Variants in CNGB1 observed in about 807,000 individuals in gnomAD.
CNGB1 encodes the protein cyclic nucleotide-gated channel beta-1.
Under a neutral mutation model 151.7 loss-of-function variants are expected in CNGB1, and 126 were observed. The ratio of observed to expected loss-of-function variants is 0.83; its 90% CI spans 0.72 to 0.96. CNGB1 has a LOEUF of 0.96. CNGB1 is among the 40% of genes least tolerant of loss of function. The pLI, the probability that CNGB1 is intolerant of heterozygous loss-of-function variation, is 0.00. For missense variants in CNGB1, 1,698 were observed against 1,627.0 expected (o/e 1.04, Z -0.75); for synonymous variants, 623 against 635.1 (o/e 0.98, Z 0.29).
Position 57,901,434 on chromosome 16 carries a change from C to A in CNGB1, c.2894G>T (p.Gly965Val). The change falls in exon 29 of 33, where the codon GGC (glycine) becomes GTC (valine). Residue 965 changes from glycine to valine, a missense_variant and splice_region_variant. Transcript: ENST00000251102. ...NIVSKVALFQ[G>V]CDRQMIFDML... ...GTCAAAGATCATCTGCCGGTCACAG[C>A]CCTGTCCCGGTGAGGAAGGGAAAGG... The A allele has an allele frequency of 3.7e-6, 6 of 1,614,212 alleles. No homozygotes were observed. Among genetic ancestry groups the A allele is most frequent in the Non-Finnish European group, 5.1e-6 (6 of 1,180,030 alleles).
chr16:57,923,190 C>G (rs1469198083), intron 18 of CNGB1, 83 bp downstream of exon 18: 6 of 1,095,018 alleles, frequency 5.5e-6, no homozygotes, highest in East Asian at 5.2e-5. Context: ...GTAGAAGGTT[C>G]TAAAAGCATC....
intron 31 of CNGB1, among the ~76,000 whole-genome samples, chr16:57,894,174 C>T (rs150330722): frequency 1.1e-3 from 164 of 152,310 alleles, no homozygotes; most frequent in African/African-American, 3.8e-3. Context: ...TGTTCTGCCA[C>T]TGTGGAAAGG....
chr16:57,904,099 C>T (rs186963140), intron 26 of CNGB1, 118 bp from the exon 27 acceptor site: 130 of 856,804 alleles, frequency 1.5e-4, no homozygotes, highest in East Asian at 1.9e-4. Flanking sequence ...CCTGGCAGGG[C>T]GTTGGGAGGG....
chr16:57,916,442 G>A (rs1393684087), intron 21 of CNGB1, among the ~76,000 whole-genome samples: 2 of 152,174 alleles, frequency 1.3e-5, no homozygotes, highest in East Asian at 1.9e-4. Flanking sequence ...TCTGCCCATT[G>A]GTCTTACCTG....
At chr16:57,958,215 T>A (rs399634) in intron 11 of CNGB1, among the ~76,000 whole-genome samples, 195 bp downstream of exon 11, 69,738 of 152,064 alleles carry the variant, frequency 0.46, 18,459 homozygotes, top group Non-Finnish European at 0.59. Flanking sequence ...CCTCCCCCGC[T>A]GACTGTGAAC....
rs558302615 is a variant in CNGB1, at chr16:57,903,917, G to T, written c.2699C>A (p.Thr900Lys). 6.2e-7 allele frequency: 1 copy of T among 1,614,106 alleles called. No homozygotes were observed. Among genetic ancestry groups the T allele is most frequent in the Admixed American group, 1.7e-5 (1 of 60,020 alleles). Residue 900 changes from threonine to lysine, a missense_variant, in exon 27 of 33, where the codon ACG (threonine) becomes AAG (lysine). Coordinates refer to ENST00000251102, the MANE Select transcript of CNGB1 (RefSeq NM_001297.5). ...QTYYRSCMDS[T>K]VKYMNFYKIP... ...CTTGTAGAAATTCATGTACTTCACC[G>T]TGCTGTCCATGCAGCTGCGGTAGTA...
intron 14 of CNGB1, among the ~76,000 whole-genome samples, chr16:57,946,068 G>A (rs990167209): frequency 3.9e-5 from 6 of 152,118 alleles, no homozygotes; most frequent in Non-Finnish European, 7.3e-5. Flanking sequence ...GCCCCCTCTT[G>A]TGCAGCCCAG....
Position 57,884,130 on chromosome 16 carries a change from C to T in CNGB1, c.*34G>A, listed in dbSNP as rs774523347. 1.2e-6 allele frequency: 2 copies of T among 1,613,866 alleles called. No homozygotes were observed. The highest frequency in any genetic ancestry group is 2.2e-5 in the South Asian group (2 of 91,084). ...GCAGCGGGCGCTGGGGACACACCTG[C>T]TGGAACTGCGCGCGGGATCCGCCTC... is the stretch of plus-strand genomic sequence containing the variant. On this transcript the variant is annotated 3_prime_UTR_variant, in exon 33 of 33. Coordinates refer to ENST00000251102, the MANE Select transcript of CNGB1 (RefSeq NM_001297.5).
intron 2 of CNGB1, 71 bp from the exon 3 acceptor site, chr16:57,964,615 T>C (rs1962345472): frequency 1.3e-6 from 2 of 1,503,750 alleles, no homozygotes; most frequent in South Asian, 2.3e-5. Flanking sequence ...GCAGCCTGAT[T>C]CTCCCTCAAG....
intron 12 of CNGB1, among the ~76,000 whole-genome samples, 185 bp downstream of exon 12, chr16:57,957,156 T>C (rs1380361103): frequency 6.6e-6 from 1 of 152,204 alleles, no homozygotes; most frequent in Admixed American, 6.5e-5. Flanking sequence ...CCTGGCTACC[T>C]GAACAGAGGT....
At chr16:57,917,236 G>A (rs189265766) in intron 21 of CNGB1, 32 bp downstream of exon 21, 38 of 1,590,350 alleles carry the variant, frequency 2.4e-5, no homozygotes, top group East Asian at 2.0e-4. Flanking sequence ...GTCTGCCCCC[G>A]GTCACCCCAA....
chr16:57,899,349 T>A (rs1310713999), intron 29 of CNGB1, among the ~76,000 whole-genome samples: 4 of 151,084 alleles, frequency 2.6e-5, no homozygotes, highest in Non-Finnish European at 5.9e-5. Context: ...TAATAATAAT[T>A]AAAAAGGGGG....
intron 24 of CNGB1, among the ~76,000 whole-genome samples, 194 bp downstream of exon 24, chr16:57,912,735 GT>G (rs1249411874): frequency 6.6e-6 from 1 of 151,452 alleles, no homozygotes; most frequent in Non-Finnish European, 1.5e-5. Flanking sequence ...GTTGTGTGTT[GT>G]GTGTGTGCAT....
chr16:57,920,360 G>A lies in CNGB1; in HGVS notation c.1801+27C>T, dbSNP rs775574453. 6 of 1,613,576 alleles carry A rather than the reference G, an allele frequency of 3.7e-6. No homozygotes were observed. In the Admixed American group the frequency reaches 1.0e-4, roughly 27 times the overall value. ...GAGGCCCCACCCCATCCCCATCCAG[G>A]TAGACCCCCTCCAGCTCCAGACTCA... On this transcript the variant is annotated intron_variant, in intron 19 of 32. Coordinates refer to ENST00000251102, the MANE Select transcript of CNGB1 (RefSeq NM_001297.5).
chr16:57,948,324 T>C (rs1961859711), intron 14 of CNGB1, among the ~76,000 whole-genome samples: 1 of 151,684 alleles, frequency 6.6e-6, no homozygotes, highest in Non-Finnish European at 1.5e-5. Context: ...TTCTTTTTTT[T>C]TTTTTTTTTA....
In CNGB1 at chr16:57,887,982, G is replaced by T. The variant is rs1959979813; in HGVS notation, c.3335C>A (p.Ala1112Asp). ...RAGTPKLFNA[A>D]LAMTGKMGGK... ...ACCCATCTTTCCTGTCATAGCGAGG[G>T]CAGCGTTGAAGAGCTTTGGGGTGCC... The change falls in exon 32 of 33, where the codon GCC (alanine) becomes GAC (aspartate). Residue 1112 changes from alanine (A) to aspartate (D), a missense_variant. Coordinates refer to ENST00000251102, the MANE Select transcript of CNGB1 (RefSeq NM_001297.5). The T allele has an allele frequency of 1.2e-6, 2 of 1,614,208 alleles. No individual in the cohort carries two copies. The highest frequency in any genetic ancestry group is 1.7e-6 in the Non-Finnish European group (2 of 1,180,040).
intron 11 of CNGB1, 91 bp downstream of exon 11, chr16:57,958,319 G>T: frequency 8.3e-7 from 1 of 1,207,208 alleles, no homozygotes; most frequent in Non-Finnish European, 1.2e-6. Context: ...CTGGGCTTCT[G>T]CCACAGGGCC....
At chr16:57,927,887 G>A (rs1961235225) in intron 17 of CNGB1, among the ~76,000 whole-genome samples, 1 of 152,208 alleles carries the variant, frequency 6.6e-6, no homozygotes, top group Admixed American at 6.5e-5. Context: ...CATAAGAACT[G>A]ATGAAGTTGT....
chr16:57,942,926 T>A (rs1321038073), intron 14 of CNGB1, among the ~76,000 whole-genome samples: 1 of 150,254 alleles, frequency 6.7e-6, no homozygotes, highest in Non-Finnish European at 1.5e-5. Flanking sequence ...TCTGAAACTA[T>A]AAAACCAATA....
Sources: allele counts gnomAD v4.1 joint callset (sites outside exome capture counted in the v4.1 genomes callset), GRCh38; gene constraint gnomAD v4.1.1; transcripts MANE v1.5; gene names NCBI Gene and HGNC (gene_info 2026-07-23, HGNC 2026-07-21).